CCNT2: variants seen among roughly 807,000 people sequenced by gnomAD.
CCNT2 encodes cyclin-T2.
Under a neutral mutation model 70.0 loss-of-function variants are expected in CCNT2, and 18 were observed. The observed-to-expected ratio is 0.26, with a 90% CI of 0.18 to 0.38. CCNT2 has a LOEUF of 0.38. CCNT2 is among the 10% of genes least tolerant of loss of function. CCNT2 has a pLI of 1.00. For synonymous variants in CCNT2, 334 were observed against 313.3 expected, an observed-to-expected ratio of 1.07 and a Z score of -0.70; for missense variants, 734 against 890.2, an observed-to-expected ratio of 0.82 and a Z score of 2.23.
intron 2 of CCNT2, among the ~76,000 whole-genome samples, chr2:134,931,262 C>CTTTGTTTTTTTTTTTTTTTTTTTTTT (rs1680737791): frequency 2.4e-5 from 1 of 42,418 alleles, no homozygotes; most frequent in African/African-American, 7.9e-5. Flanking sequence ...ATGCCCGGAT[C>CTTTGTTTTTTTTTTTTTTTTTTTTTT]TTTTTTTTTT....
At position 134,958,026 on chromosome 2, in the gene CCNT2, A is replaced by G. The variant is rs1253638304; in HGVS notation, c.*3378A>G. The G allele has an allele frequency of 1.3e-5, 2 of 152,250 alleles. No individual in the cohort carries two copies. The highest frequency in any genetic ancestry group is 2.9e-5 in the Non-Finnish European group (2 of 68,028). 9.4% of individuals were successfully genotyped at this position (152,250 alleles called of 1,614,324 possible). On this transcript the variant is annotated 3_prime_UTR_variant, in exon 9 of 9. Transcript: ENST00000264157. ...AATACCATTGCCTTAAAAGGTTTCA[A>G]GCACATTTTCTTTTCTATTTGAGAA...
chr2:134,922,728 A>G (rs1437331826), intron 2 of CCNT2, among the ~76,000 whole-genome samples: 1 of 152,172 alleles, frequency 6.6e-6, no homozygotes, highest in Non-Finnish European at 1.5e-5. Context: ...CCCAAGTCAC[A>G]CTTAAGTAGA....
rs1682908748 is a variant in CCNT2 at position 134,956,147 on chromosome 2, C to A, written c.*1499C>A. The A allele has an allele frequency of 6.6e-6, 1 of 152,612 alleles. No homozygotes were observed. Among genetic ancestry groups the A allele is most frequent in the African/African-American group, 2.4e-5 (1 of 41,454 alleles). 9.5% of individuals were successfully genotyped at this position (152,612 alleles called of 1,614,324 possible). On this transcript the variant is annotated 3_prime_UTR_variant, in exon 9 of 9. Transcript: ENST00000264157. ...TGATTGGATTCGACCTCTTGTTGAA[C>A]TGAAAACTTAATTTTTTCTCTGTAT...
chr2:134,954,427 C>CA lies in CCNT2; in HGVS notation c.1973dup (p.His658GlnfsTer6). 1 of 1,614,118 alleles carries CA rather than the reference C, an allele frequency of 6.2e-7. No individual in the cohort carries two copies. The highest frequency in any genetic ancestry group is 8.5e-7 in the Non-Finnish European group (1 of 1,179,974). On this transcript the variant is annotated frameshift_variant, in exon 9 of 9. Coordinates refer to ENST00000264157, the MANE Select transcript of CCNT2 (RefSeq NM_058241.3). LOFTEE classifies it high-confidence loss of function. ...CTCTGTTAAGCAGTATATATCCTCT[C>CA]ACAACTCTGTTTTTAACCATCCCTT... is the stretch of plus-strand genomic sequence containing the variant.
chr2:134,942,700 A>G (rs1337044845), intron 5 of CCNT2, 26 bp downstream of exon 5: 8 of 1,576,668 alleles, frequency 5.1e-6, no homozygotes, highest in Middle Eastern at 2.2e-4. Flanking sequence ...AACTTTTAAG[A>G]TAAGTATTAA....
intron 6 of CCNT2, 190 bp downstream of exon 6, chr2:134,946,336 A>T (rs1681963902): frequency 8.2e-7 from 1 of 1,213,142 alleles, no homozygotes; most frequent in South Asian, 1.8e-5. Flanking sequence ...TAAATGCACA[A>T]TGTGAAGTGT....
intron 2 of CCNT2, among the ~76,000 whole-genome samples, chr2:134,923,238 A>C (rs1465390429): frequency 6.6e-6 from 1 of 152,182 alleles, no homozygotes; most frequent in Admixed American, 6.5e-5. Flanking sequence ...CCGAGATCAC[A>C]TCACTGCACT....
intron 2 of CCNT2, among the ~76,000 whole-genome samples, chr2:134,928,440 G>A (rs1041805420): frequency 1.3e-5 from 2 of 151,444 alleles, no homozygotes; most frequent in East Asian, 1.9e-4. Flanking sequence ...CAACACTCCC[G>A]GCTAATTTTG....
At position 134,953,804 on chromosome 2, in the gene CCNT2, T is replaced by C. The variant is rs771914808; in HGVS notation, c.1349T>C (p.Leu450Pro). 1.2e-6 allele frequency: 2 copies of C among 1,613,668 alleles called. No individual in the cohort carries two copies. Among genetic ancestry groups the C allele is most frequent in the South Asian group, 2.2e-5 (2 of 91,072 alleles). Residue 450 changes from leucine to proline, a missense_variant, in exon 9 of 9, where the codon CTC becomes CCC. Leu to Pro is a moderately conservative substitution (Grantham distance 98). Transcript: ENST00000264157. ...REKRKLETLD[L>P]DVRDHYIAAQ... ...AAGCGTAAACTAGAAACTCTTGATC[T>C]CGATGTAAGGGATCATTATATAGCT... is the stretch of plus-strand genomic sequence containing the variant.
intron 2 of CCNT2, among the ~76,000 whole-genome samples, chr2:134,921,220 G>A (rs532326367): frequency 7.3e-4 from 111 of 152,240 alleles, no homozygotes; most frequent in Admixed American, 1.8e-3. Context: ...GGATAATAAT[G>A]GTAGAAATTA....
intron 2 of CCNT2, among the ~76,000 whole-genome samples, chr2:134,935,807 T>A (rs1050774856): frequency 2.1e-4 from 31 of 146,490 alleles, no homozygotes; most frequent in African/African-American, 6.9e-4. Flanking sequence ...TTTACTAAGC[T>A]AAAAAAAAAA....
In CCNT2 at chr2:134,932,912, T is replaced by C. The variant is rs141984558; in HGVS notation, c.241-3929T>C. ...TACAACTATCCCTTCTCCTGAACTA[T>C]AGCCTTAGCAAGAAAGTTCCAATTT... On this transcript the variant is annotated intron_variant, in intron 2 of 8. Coordinates refer to ENST00000264157, the MANE Select transcript of CCNT2 (RefSeq NM_058241.3). Among the ~76,000 whole-genome samples the C allele has an allele frequency of 1.1e-3, 172 of 152,362 alleles. 5 individuals carry two copies. In the Middle Eastern group the frequency reaches 0.041, roughly 36 times the overall value.
chr2:134,936,448 C>CCCCCTTAAAAAAT (rs1176997122), intron 2 of CCNT2, among the ~76,000 whole-genome samples: 2 of 152,010 alleles, frequency 1.3e-5, no homozygotes, highest in Non-Finnish European at 2.9e-5. Flanking sequence ...CACACCCGCC[C>CCCCCTTAAAAAAT]CCCCTTAAAA....
chr2:134,944,826 G>A (rs1681833668), intron 5 of CCNT2: 1 of 984,766 alleles, frequency 1.0e-6, no homozygotes, highest in Admixed American at 6.2e-5. Flanking sequence ...CACAGTGACT[G>A]TTTCTGGATC....
chr2:134,944,374 A>T, intron 5 of CCNT2: 1 of 967,004 alleles, frequency 1.0e-6, no homozygotes, highest in Middle Eastern at 5.4e-4. Context: ...ATGTTTAAAA[A>T]TATTACTTGT....
intron 7 of CCNT2, among the ~76,000 whole-genome samples, chr2:134,949,807 G>GGGGA (rs1553525614): frequency 7.3e-6 from 1 of 137,496 alleles, no homozygotes; most frequent in Non-Finnish European, 1.6e-5. Context: ...TTTTTCGGGG[G>GGGGA]GGGGGTGGGG....
rs112471982 is a variant in CCNT2, at chr2:134,931,262, CTT to C, written c.241-5555_241-5554del. On this transcript the variant is annotated intron_variant, in intron 2 of 8. Coordinates refer to ENST00000264157, the MANE Select transcript of CCNT2 (RefSeq NM_058241.3). ...CAGGCATAAGCCACCATGCCCGGATCTTTTTTTTTTTTTTTTTTTTTTTTTGG... is the reference window on the plus strand; with the variant it reads ...CAGGCATAAGCCACCATGCCCGGATCTTTTTTTTTTTTTTTTTTTTTTTGG... Among the ~76,000 whole-genome samples, 161 of 42,422 alleles carry C rather than the reference CTT, an allele frequency of 3.8e-3. 2 individuals are homozygous for C. The highest frequency in any genetic ancestry group is 0.05 in the Middle Eastern group (1 of 20). The allele number at this position is 42,422 out of a possible 152,430, so 27.8% of individuals were successfully genotyped here.
intron 2 of CCNT2, among the ~76,000 whole-genome samples, chr2:134,926,511 G>A (rs1680311764): frequency 1.3e-5 from 2 of 152,156 alleles, no homozygotes; most frequent in South Asian, 4.1e-4. Flanking sequence ...AAAGTTCGTA[G>A]AAGTTAGCTT....
chr2:134,926,226 G>C (rs906635265), intron 2 of CCNT2, among the ~76,000 whole-genome samples: 5 of 151,924 alleles, frequency 3.3e-5, no homozygotes, highest in Non-Finnish European at 7.4e-5. Flanking sequence ...AATACTCTTC[G>C]GTTACTCATT....
Sources: allele counts gnomAD v4.1 joint callset (sites outside exome capture counted in the v4.1 genomes callset), GRCh38; gene constraint gnomAD v4.1.1; transcripts MANE v1.5; gene names NCBI Gene and HGNC (gene_info 2026-07-23, HGNC 2026-07-21).